The following ASB9 variants were observed in gnomAD, a reference collection of about 807,000 sequenced individuals.
The protein encoded by ASB9 is ankyrin repeat and SOCS box containing 9.
ASB9 carries 5 observed loss-of-function variants against 16.6 expected under a neutral mutation model. That is an observed-to-expected ratio of 0.30 (90% CI 0.16 to 0.63). The LOEUF (loss-of-function observed/expected upper bound fraction) is 0.63. ASB9 is among the 30% of genes least tolerant of loss of function. The probability of loss-of-function intolerance (pLI) is 0.82; values close to 1 mark genes in which losing one functional copy is unlikely to be tolerated. For synonymous variants in ASB9, 100 were observed against 86.4 expected (o/e 1.16, Z -0.87); for missense variants, 216 against 229.4 (o/e 0.94, Z 0.38).
At chrX:15,257,146 A>C (rs1161087157) in intron 2 of ASB9, among the ~76,000 whole-genome samples, 2 of 112,048 alleles carry the variant, frequency 1.8e-5, no homozygotes, top group South Asian at 3.7e-4. Context: ...ACGGTGGCTC[A>C]TGCCTATAAT....
At chrX:15,254,893 C>G (rs745842414) in intron 2 of ASB9, 49 bp from the exon 3 acceptor site, 3 of 1,043,274 alleles carry the variant, frequency 2.9e-6, no homozygotes, top group Non-Finnish European at 4.0e-6. Flanking sequence ...CAACAGTGCC[C>G]TGGGGCTGCT....
Position 15,267,359 on chromosome X carries a change from C to T in ASB9, c.94+2422G>A, listed in dbSNP as rs370513386. ...CCAGGAGGCCGAGGTTGCAGTGAGC[C>T]GAGATGGTGCCACTGCACTCCAGCC... On this transcript the variant is annotated intron_variant, in intron 1 of 6. Coordinates refer to ENST00000380488, the MANE Select transcript of ASB9 (RefSeq NM_001031739.3). 5.0e-4 allele frequency among the ~76,000 whole-genome samples: 56 copies of T among 110,973 alleles called. No homozygotes were observed. In the East Asian group the frequency reaches 0.013, roughly 25 times the overall value.
At chrX:15,252,560 G>A (rs1925210748) in intron 3 of ASB9, among the ~76,000 whole-genome samples, 156 bp from the exon 4 acceptor site, 1 of 112,158 alleles carries the variant, frequency 8.9e-6, no homozygotes, top group South Asian at 3.7e-4. Context: ...AGGTTTTTGT[G>A]AAAAATGGAA....
chrX:15,252,408 G>A lies in ASB9; in HGVS notation c.283-4C>T, dbSNP rs2147636039. ...AGTCTGCTGTCACACCATTCACCTG[G>A]TAAAAGAAGCTCCAGAATGAAGACA... is the stretch of plus-strand genomic sequence containing the variant. On this transcript the variant is annotated splice_region_variant and splice_polypyrimidine_tract_variant and intron_variant, in intron 3 of 6. Coordinates refer to ENST00000380488, the MANE Select transcript of ASB9 (RefSeq NM_001031739.3). 8.4e-7 allele frequency: 1 copy of A among 1,191,318 alleles called. No individual in the cohort carries two copies. The highest frequency in any genetic ancestry group is 3.0e-5 in the East Asian group (1 of 33,240).
intron 4 of ASB9, 47 bp from the exon 5 acceptor site, chrX:15,250,611 T>A: frequency 8.7e-7 from 1 of 1,150,729 alleles, no homozygotes; most frequent in Non-Finnish European, 1.2e-6. Context: ...CAAGTTCCCT[T>A]AGCTAGAAAG....
In ASB9 at chrX:15,244,691, T is replaced by TGAA. The variant is rs112382242; in HGVS notation, c.761-62_761-61insTTC. On this transcript the variant is annotated intron_variant, in intron 6 of 6. Coordinates refer to ENST00000380488, the MANE Select transcript of ASB9 (RefSeq NM_001031739.3). ...GCTATTGATCTAAGACTCCTTTTTT[T>TGAA]TAAAAAAAAAAAGCATCCAAGATAG... The TGAA allele has an allele frequency of 1.6e-4, 153 of 980,686 alleles. 1 individual carries two copies. Among genetic ancestry groups the TGAA allele is most frequent in the East Asian group, 9.6e-4 (25 of 25,964 alleles). The allele number at this position is 980,686 out of a possible 1,213,427, so 80.8% of individuals were successfully genotyped here.
intron 2 of ASB9, among the ~76,000 whole-genome samples, chrX:15,257,055 A>T (rs1052930297): frequency 2.7e-5 from 3 of 111,025 alleles, no homozygotes; most frequent in Non-Finnish European, 3.8e-5. Flanking sequence ...GGCAAAAGGC[A>T]ACCATAAAAA....
intron 4 of ASB9, among the ~76,000 whole-genome samples, chrX:15,250,990 G>C (rs1240704925): frequency 1.8e-5 from 2 of 112,266 alleles, no homozygotes. Context: ...CAAAATGCTG[G>C]GATTACAGGC....
chrX:15,259,262 TTAAGCGAGAGCTTCAC>T (rs1366587200), intron 1 of ASB9: 15 of 205,295 alleles, frequency 7.3e-5, no homozygotes, highest in Middle Eastern at 1.7e-3. Flanking sequence ...GCCCATTTAG[TTAAGCGAGAGCTTCAC>T]TAATTACCAA....
intron 6 of ASB9, among the ~76,000 whole-genome samples, chrX:15,247,968 G>T (rs190003105): frequency 8.9e-6 from 1 of 112,440 alleles, no homozygotes; most frequent in East Asian, 2.8e-4. Context: ...TAACTAGATT[G>T]TATAACATCA....
At chrX:15,250,294 C>T in intron 5 of ASB9, 136 bp downstream of exon 5, 1 of 665,101 alleles carries the variant, frequency 1.5e-6, no homozygotes, top group Non-Finnish European at 2.2e-6. Flanking sequence ...CCCAAGGGAA[C>T]ACAGTCAATA....
At chrX:15,248,544 A>G (rs1442608267) in intron 6 of ASB9, 200 bp downstream of exon 6, 4 of 653,886 alleles carry the variant, frequency 6.1e-6, no homozygotes, top group Non-Finnish European at 6.3e-6. Flanking sequence ...AATATGCTAA[A>G]TAGCAGGACA....
chrX:15,263,451 CAG>C (rs1299647096), intron 1 of ASB9, among the ~76,000 whole-genome samples: 1 of 111,347 alleles, frequency 9.0e-6, no homozygotes, highest in Non-Finnish European at 1.9e-5. Context: ...CAGAAACAAA[CAG>C]AAAGGCCCAC....
chrX:15,246,281 G>C (rs759414398), intron 6 of ASB9, among the ~76,000 whole-genome samples: 1 of 111,902 alleles, frequency 8.9e-6, no homozygotes, highest in Non-Finnish European at 1.9e-5. Context: ...GTAAGACAAT[G>C]TAAAACAACT....
chrX:15,268,669 C>T (rs1361045011), intron 1 of ASB9, among the ~76,000 whole-genome samples: 1 of 107,339 alleles, frequency 9.3e-6, no homozygotes, highest in Non-Finnish European at 1.9e-5. Context: ...CTGCCCGCCT[C>T]GGCCTCCGAA....
Position 15,250,559 on chromosome X carries a change from C to T in ASB9, c.439G>A (p.Val147Met). ...PIHEAARRGHVECVNSLIAYG... is the reference protein window; with the variant it reads ...PIHEAARRGHMECVNSLIAYG... ...GCTATAAGAGAGTTGACACACTCCA[C>T]GTGGCCTGCAGCCCAAAGCAGGAAG... Residue 147 changes from valine (V) to methionine (M), a missense_variant, in exon 5 of 7, where the codon GTG (valine) becomes ATG (methionine). Val to Met is a conservative substitution (Grantham distance 21, BLOSUM62 1). Coordinates refer to ENST00000380488, the MANE Select transcript of ASB9 (RefSeq NM_001031739.3). The T allele has an allele frequency of 8.3e-7, 1 of 1,204,718 alleles. No homozygotes were observed. The highest frequency in any genetic ancestry group is 1.1e-6 in the Non-Finnish European group (1 of 891,832).
rs377056337 is a variant in ASB9, at chrX:15,267,425, T to TTTAAAAAAA, written c.94+2355_94+2356insTTTTTTTAA. Among the ~76,000 whole-genome samples the TTTAAAAAAA allele has an allele frequency of 1.9e-4, 17 of 87,504 alleles. No individual in the cohort carries two copies. The South Asian group carries it at 2.3e-3, about 12-fold the overall frequency. The allele number at this position is 87,504 out of a possible 115,157, so 76.0% of individuals were successfully genotyped here. A position where few individuals can be genotyped will look rare whatever the true frequency, so the allele number is the denominator to read the frequency against. ...ACTCCATCTAAAAAAAAAATATATA[T>TTTAAAAAAA]ATATATATAATTATATATATAATTC... On this transcript the variant is annotated intron_variant, in intron 1 of 6. Coordinates refer to ENST00000380488, the MANE Select transcript of ASB9 (RefSeq NM_001031739.3).
rs182529615 is a variant in ASB9 at position 15,269,004 on chromosome X, G to A, written c.94+777C>T. Among the ~76,000 whole-genome samples, 816 of 110,295 alleles carry A rather than the reference G, an allele frequency of 7.4e-3. 9 individuals are homozygous for A. The highest frequency in any genetic ancestry group is 0.025 in the African/African-American group (765 of 30,362). ...CACCCTGCTGCTCCCTTTGCTCTCC[G>A]AAAGTTACGAACTTTGAGTTTCCTT... On this transcript the variant is annotated intron_variant, in intron 1 of 6. Transcript: ENST00000380488.
chrX:15,257,772 C>T (rs1365066022), intron 2 of ASB9, among the ~76,000 whole-genome samples: 2 of 111,986 alleles, frequency 1.8e-5, no homozygotes, highest in Non-Finnish European at 3.8e-5. Context: ...TCGTCAACTA[C>T]GCTTAGTTGA....
Sources: allele counts gnomAD v4.1 joint callset (sites outside exome capture counted in the v4.1 genomes callset), GRCh38; gene constraint gnomAD v4.1.1; transcripts MANE v1.5; gene names NCBI Gene and HGNC (gene_info 2026-07-23, HGNC 2026-07-21).